The following UVSSA variants were observed in gnomAD, a reference collection of about 807,000 sequenced individuals.
UVSSA encodes the protein UV-stimulated scaffold protein A.
Under a neutral mutation model 73.9 loss-of-function variants are expected in UVSSA, and 72 were observed. The ratio of observed to expected loss-of-function variants is 0.97; its 90% CI spans 0.81 to 1.19. The LOEUF is 1.19. Ranked by LOEUF, UVSSA falls within the 50% of genes most tolerant of loss-of-function variation. The pLI is 0.00. For synonymous variants in UVSSA, 454 were observed against 391.3 expected (o/e 1.16, Z -1.89); for missense variants, 1,150 against 965.0 (o/e 1.19, Z -2.54).
At chr4:1,362,800 C>T (rs1716830529) in intron 7 of UVSSA, among the ~76,000 whole-genome samples, 1 of 152,196 alleles carries the variant, frequency 6.6e-6, no homozygotes, top group African/African-American at 2.4e-5. Flanking sequence ...CCTCACCCTC[C>T]CTTTGGGCTC....
rs531088325 is a variant in UVSSA, at chr4:1,348,314, C to T, written c.98+125C>T. 6.8e-5 allele frequency: 50 copies of T among 739,278 alleles called. No individual in the cohort carries two copies. In the African/African-American group the frequency reaches 8.6e-4, roughly 13 times the overall value. 45.8% of individuals were successfully genotyped at this position (739,278 alleles called of 1,614,324 possible). ...GAGGGACACACCCAGGACATTTTCTCGGGGCCCTGCAGTACCCGGCTCTGA... is the reference window on the plus strand; with the variant it reads ...GAGGGACACACCCAGGACATTTTCTTGGGGCCCTGCAGTACCCGGCTCTGA... On this transcript the variant is annotated intron_variant, in intron 2 of 13. Coordinates refer to ENST00000389851, the MANE Select transcript of UVSSA (RefSeq NM_020894.4).
chr4:1,385,667 T>G (rs1412751371), intron 13 of UVSSA: 32 of 604,998 alleles, frequency 5.3e-5, no homozygotes, highest in South Asian at 5.3e-4. Flanking sequence ...GGGCGGCCCT[T>G]TCTAAGCCTG....
intron 8 of UVSSA, among the ~76,000 whole-genome samples, chr4:1,369,835 A>C (rs1717802508): frequency 6.6e-6 from 1 of 152,252 alleles, no homozygotes; most frequent in Non-Finnish European, 1.5e-5. Flanking sequence ...CTTTCTCAAA[A>C]CAACTGTGGG....
Position 1,349,593 on chromosome 4 carries a change from G to A in UVSSA, c.168G>A (p.Glu56=), listed in dbSNP as rs1714354325. ...CACAGCTGACCCAGGAGCACGCCGA[G>A]ATCCGTCTCTCAGCCTTCCAGATTG... ...LIAQLTQEHA[E]IRLSAFQIVE... is the part of the protein sequence containing the mutation. Residue 56 remains glutamate (E), a synonymous_variant, in exon 3 of 14, where the codon GAG becomes GAA. Coordinates refer to ENST00000389851, the MANE Select transcript of UVSSA (RefSeq NM_020894.4). 1 of 1,614,124 alleles carries A rather than the reference G, an allele frequency of 6.2e-7. No homozygotes were observed. Among genetic ancestry groups the A allele is most frequent in the East Asian group, 2.2e-5 (1 of 44,888 alleles).
chr4:1,372,524 C>G (rs575405558), intron 8 of UVSSA, among the ~76,000 whole-genome samples: 2 of 152,190 alleles, frequency 1.3e-5, no homozygotes, highest in Non-Finnish European at 2.9e-5. Context: ...AAACAAATAA[C>G]CTAGCACCCT....
At chr4:1,389,117 G>A (rs1720340526), downstream of UVSSA, 1 of 152,092 alleles carries the variant, frequency 6.6e-6, no homozygotes, top group African/African-American at 2.4e-5. Context: ...TTTAGTTCCA[G>A]TAGTTTGCAT....
exon 14 of UVSSA, chr4:1,394,275 A>G: frequency 1.3e-6 from 1 of 786,656 alleles, no homozygotes. Flanking sequence ...TCCTTTCATG[A>G]GTTATGTAGT....
chr4:1,390,397 A>G (rs1387827700), downstream of UVSSA: 4 of 152,204 alleles, frequency 2.6e-5, no homozygotes, highest in Non-Finnish European at 5.9e-5. Context: ...CTCCCACCTC[A>G]GCCTCCTGAG....
chr4:1,389,602 C>CTCCTGGCCTCAAGAAATTT (rs1416832174), downstream of UVSSA: 1 of 152,226 alleles, frequency 6.6e-6, no homozygotes, highest in East Asian at 1.9e-4. Flanking sequence ...TGGTCTCAAA[C>CTCCTGGCCTCAAGAAATTT]TCCTGGCCTC....
intron 8 of UVSSA, 138 bp from the exon 9 acceptor site, chr4:1,375,226 G>C: frequency 7.1e-7 from 1 of 1,408,106 alleles, no homozygotes; most frequent in Non-Finnish European, 9.7e-7. Flanking sequence ...GTGAGGAGCA[G>C]ATAGCAGGCA....
At chr4:1,347,040 G>A (rs375372137), upstream of UVSSA, among the ~76,000 whole-genome samples, 57 of 152,280 alleles carry the variant, frequency 3.7e-4, no homozygotes, top group East Asian at 9.9e-3. Context: ...GCGGGGCCTT[G>A]ACCGGAAAGG....
In UVSSA at chr4:1,349,739, C is replaced by A. The variant is rs200196963; in HGVS notation, c.314C>A (p.Ala105Glu). ...PAQPLPPPRE[A>E]AQRLRQATTR... ...CAGCCTCTGCCGCCCCCCAGGGAGG[C>A]GGCACAGAGGCTGAGGCAGGCGACC... is the stretch of plus-strand genomic sequence containing the variant. Residue 105 changes from alanine (A) to glutamate (E), a missense_variant, in exon 3 of 14, where the codon GCG becomes GAG. By Grantham distance (107) the Ala-to-Glu change is moderately radical. Coordinates refer to ENST00000389851, the MANE Select transcript of UVSSA (RefSeq NM_020894.4). 1 of 1,613,016 alleles carries A rather than the reference C, an allele frequency of 6.2e-7. No individual in the cohort carries two copies. Among genetic ancestry groups the A allele is most frequent in the Admixed American group, 1.7e-5 (1 of 59,902 alleles).
intron 5 of UVSSA, 127 bp downstream of exon 5, chr4:1,353,540 G>A (rs766617413): frequency 3.1e-6 from 4 of 1,290,020 alleles, no homozygotes; most frequent in Non-Finnish European, 4.1e-6. Context: ...TAGGTCAGGG[G>A]TCACCACCAG....
chr4:1,379,464 G>C lies in UVSSA; in HGVS notation c.1569-583G>C, dbSNP rs370239879. On this transcript the variant is annotated intron_variant, in intron 10 of 13. Coordinates refer to ENST00000389851, the MANE Select transcript of UVSSA (RefSeq NM_020894.4). ...ACCAGGTTGATGACAACAGCAGAGC[G>C]TGGGAGCGGACGCACCTGGGACGCC... 6.6e-4 allele frequency among the ~76,000 whole-genome samples: 100 copies of C among 152,358 alleles called. 3 individuals are homozygous for C. In the South Asian group the frequency reaches 0.016, roughly 24 times the overall value.
In UVSSA at chr4:1,379,984, A is replaced by G. The variant is rs1371804819; in HGVS notation, c.1569-63A>G. The G allele has an allele frequency of 1.1e-5, 17 of 1,521,070 alleles. No homozygotes were observed. In the Admixed American group the frequency reaches 3.4e-4, roughly 30 times the overall value. 94.2% of individuals were successfully genotyped at this position (1,521,070 alleles called of 1,614,324 possible). On this transcript the variant is annotated intron_variant, in intron 10 of 13. Transcript: ENST00000389851. ...TTTGGCCTTCCCCTGTGCCTGCACC[A>G]CCGTGGCCACGCTCTTCTGGGGTCC...
At position 1,386,112 on chromosome 4, in the gene UVSSA, AC is replaced by A. The variant is rs1451312658; in HGVS notation, c.*152del. The A allele has an allele frequency of 1.2e-6, 1 of 815,024 alleles. No homozygotes were observed. 50.5% of individuals were successfully genotyped at this position (815,024 alleles called of 1,614,324 possible). On this transcript the variant is annotated 3_prime_UTR_variant, in exon 14 of 14. Transcript: ENST00000389851. ...TGGTGTGTTGCAATGCCCTGAAGGT[AC>A]GGCCGCTCTGCTGCTACAGGGTTCG...
intron 10 of UVSSA, among the ~76,000 whole-genome samples, chr4:1,376,389 G>A (rs1718774230): frequency 6.6e-6 from 1 of 152,218 alleles, no homozygotes; most frequent in South Asian, 2.1e-4. Context: ...TTCTGCTGCT[G>A]TGTCGGGGGC....
At chr4:1,384,015 C>T (rs1197032149) in intron 13 of UVSSA, 75 bp downstream of exon 13, 28 of 1,475,828 alleles carry the variant, frequency 1.9e-5, no homozygotes, top group African/African-American at 5.6e-5. Flanking sequence ...GCCATCTGAG[C>T]GCCAAGATAT....
chr4:1,349,010 G>A (rs907774702), intron 2 of UVSSA, among the ~76,000 whole-genome samples: 9 of 148,592 alleles, frequency 6.1e-5, no homozygotes, highest in Non-Finnish European at 1.3e-4. Context: ...GCGTTGTGCC[G>A]GGCGGTGTGC....
Sources: allele counts gnomAD v4.1 joint callset (sites outside exome capture counted in the v4.1 genomes callset), GRCh38; gene constraint gnomAD v4.1.1; transcripts MANE v1.5; gene names NCBI Gene and HGNC (gene_info 2026-07-23, HGNC 2026-07-21).